The following DHRS7B variants were observed in gnomAD, a reference collection of about 807,000 sequenced individuals.
The protein encoded by DHRS7B is peroxisomal reductase activating PPAR-gamma.
In DHRS7B, 24 loss-of-function variants were observed where a neutral mutation model predicts 26.4. That is an observed-to-expected ratio of 0.91 (90% CI 0.66 to 1.28). The LOEUF (loss-of-function observed/expected upper bound fraction) is 1.28. DHRS7B is among the 50% of genes most tolerant of loss of function. DHRS7B has a pLI of 0.00. For synonymous variants in DHRS7B, 142 were observed against 166.4 expected (o/e 0.85, Z 1.13); for missense variants, 368 against 419.4 (o/e 0.88, Z 1.07).
chr17:21,128,742 C>G (rs1387333914), intron 1 of DHRS7B: 2 of 151,586 alleles, frequency 1.3e-5, no homozygotes, highest in African/African-American at 4.9e-5. Context: ...TGGTGGTGGG[C>G]GCCTGTAATC....
intron 1 of DHRS7B, among the ~76,000 whole-genome samples, chr17:21,164,030 C>CTGTTTTTTTTTTTTTTT (rs1974055135): frequency 3.1e-5 from 3 of 96,974 alleles, no homozygotes; most frequent in African/African-American, 5.1e-5. Context: ...AATTGTTGTG[C>CTGTTTTTTTTTTTTTTT]TTTTTTTTTT....
intron 6 of DHRS7B, among the ~76,000 whole-genome samples, chr17:21,190,729 G>T (rs1268105164): frequency 1.3e-5 from 2 of 152,148 alleles, no homozygotes; most frequent in Non-Finnish European, 2.9e-5. Flanking sequence ...CCCACCTCTC[G>T]CTTCCCCCAC....
At chr17:21,185,104 G>T (rs948896306) in intron 5 of DHRS7B, among the ~76,000 whole-genome samples, 1 of 152,130 alleles carries the variant, frequency 6.6e-6, no homozygotes, top group Non-Finnish European at 1.5e-5. Context: ...AGTGTGCTGT[G>T]TAGAACATTC....
intron 5 of DHRS7B, among the ~76,000 whole-genome samples, chr17:21,187,253 C>T (rs939690980): frequency 1.3e-5 from 2 of 151,594 alleles, no homozygotes; most frequent in East Asian, 1.9e-4. Context: ...GCCAGGAAGT[C>T]GAGGCTGCAA....
At chr17:21,178,186 C>A in intron 2 of DHRS7B, 47 bp from the exon 3 acceptor site, 1 of 1,564,446 alleles carries the variant, frequency 6.4e-7, no homozygotes, top group Non-Finnish European at 8.8e-7. Flanking sequence ...TTAAACTGAA[C>A]GGCACTGAGG....
At chr17:21,136,617 C>T (rs1362795255) in intron 1 of DHRS7B, among the ~76,000 whole-genome samples, 3 of 152,016 alleles carry the variant, frequency 2.0e-5, no homozygotes, top group Non-Finnish European at 4.4e-5. Context: ...AGTGGCCCGA[C>T]CTTGGCTCAC....
intron 1 of DHRS7B, among the ~76,000 whole-genome samples, chr17:21,142,997 T>G (rs1567617743): frequency 6.6e-6 from 1 of 152,238 alleles, no homozygotes; most frequent in Non-Finnish European, 1.5e-5. Context: ...GGCACAATCT[T>G]GGCTCATCAC....
intron 1 of DHRS7B, among the ~76,000 whole-genome samples, chr17:21,153,720 C>T (rs895026576): frequency 1.4e-4 from 22 of 151,894 alleles, no homozygotes; most frequent in African/African-American, 2.7e-4. Context: ...ACGTGGCAGA[C>T]GGGATAGAAT....
intron 1 of DHRS7B, among the ~76,000 whole-genome samples, chr17:21,130,992 T>C (rs1486499565): frequency 6.6e-6 from 1 of 152,154 alleles, no homozygotes; most frequent in African/African-American, 2.4e-5. Context: ...GAGCTCTCCC[T>C]CCTATCTTCT....
At chr17:21,186,661 C>G (rs1974641575) in intron 5 of DHRS7B, among the ~76,000 whole-genome samples, 1 of 152,204 alleles carries the variant, frequency 6.6e-6, no homozygotes, top group South Asian at 2.1e-4. Context: ...AAGGCTAAAA[C>G]ATTTACAATT....
chr17:21,164,757 T>G (rs1197447118), intron 1 of DHRS7B, among the ~76,000 whole-genome samples: 1 of 152,226 alleles, frequency 6.6e-6, no homozygotes, highest in Admixed American at 6.5e-5. Flanking sequence ...ACAGCTTTTC[T>G]CCTTCGTTCA....
At chr17:21,154,814 G>A (rs774641485) in intron 1 of DHRS7B, among the ~76,000 whole-genome samples, 1 of 152,160 alleles carries the variant, frequency 6.6e-6, no homozygotes, top group Non-Finnish European at 1.5e-5. Context: ...GACAGCAACA[G>A]TGTAAGGGAA....
intron 3 of DHRS7B, among the ~76,000 whole-genome samples, chr17:21,180,065 C>T (rs996293032): frequency 6.8e-6 from 1 of 147,196 alleles, no homozygotes; most frequent in African/African-American, 2.6e-5. Flanking sequence ...CCATGCCCAG[C>T]CCACTTTCTT....
chr17:21,171,408 GC>G (rs1310185960), intron 1 of DHRS7B, among the ~76,000 whole-genome samples: 1 of 152,204 alleles, frequency 6.6e-6, no homozygotes, highest in Non-Finnish European at 1.5e-5. Flanking sequence ...ACCGGCCGGA[GC>G]CCATGCTGGT....
At chr17:21,133,509 G>A (rs116601659) in intron 1 of DHRS7B, among the ~76,000 whole-genome samples, 2,983 of 152,300 alleles carry the variant, frequency 0.02, 114 homozygotes, top group African/African-American at 0.068. Flanking sequence ...GGAGGCAATC[G>A]GAATATGCAT....
At chr17:21,188,039 A>T (rs1974687338) in intron 5 of DHRS7B, among the ~76,000 whole-genome samples, 2 of 151,886 alleles carry the variant, frequency 1.3e-5, no homozygotes, top group African/African-American at 4.8e-5. Flanking sequence ...TTTAGTAGAG[A>T]CGGGGTTTCA....
intron 1 of DHRS7B, among the ~76,000 whole-genome samples, chr17:21,135,685 A>G (rs925349352): frequency 6.6e-6 from 1 of 152,320 alleles, no homozygotes; most frequent in Middle Eastern, 3.4e-3. Context: ...TAGCTTCCAT[A>G]AGCCTTTTAT....
Position 21,188,675 on chromosome 17 carries a change from GCACT to G in DHRS7B, c.620-33_620-30del, listed in dbSNP as rs748031839. 3.2e-6 allele frequency: 5 copies of G among 1,544,466 alleles called. No individual in the cohort carries two copies. The East Asian group carries it at 1.1e-4, about 35-fold the overall frequency. ...GGCACCAGGCCATGCCCACCCCAGC[GCACT>G]CAGTCACCTGCCTCTCCGTCCACAT... On this transcript the variant is annotated intron_variant, in intron 5 of 6. Coordinates refer to ENST00000395511, the MANE Select transcript of DHRS7B (RefSeq NM_015510.5).
chr17:21,129,721 AAAAG>A (rs1220467173), intron 1 of DHRS7B, among the ~76,000 whole-genome samples: 3 of 149,160 alleles, frequency 2.0e-5, no homozygotes, highest in South Asian at 2.1e-4. Context: ...AAAAAAAAAA[AAAAG>A]AAAAAGAAAA....
Sources: allele counts gnomAD v4.1 joint callset (sites outside exome capture counted in the v4.1 genomes callset), GRCh38; gene constraint gnomAD v4.1.1; transcripts MANE v1.5; gene names NCBI Gene and HGNC (gene_info 2026-07-23, HGNC 2026-07-21).